The following ZC3H3 variants were observed in gnomAD, a reference collection of about 807,000 sequenced individuals.
The protein encoded by ZC3H3 is zinc finger CCCH domain-containing protein 3.
In ZC3H3, 36 loss-of-function variants were observed where a neutral mutation model predicts 77.3. The ratio of observed to expected loss-of-function variants is 0.47; its 90% CI spans 0.36 to 0.61. The LOEUF is 0.61. Ranked by LOEUF, ZC3H3 falls within the 20% of genes least tolerant of loss-of-function variation. ZC3H3 has a pLI of 0.00. For synonymous variants in ZC3H3, 626 were observed against 555.2 expected (o/e 1.13, Z -1.79); for missense variants, 1,331 against 1,312.2 (o/e 1.01, Z -0.22).
At chr8:143,532,339 G>T (rs892433902) in intron 3 of ZC3H3, among the ~76,000 whole-genome samples, 1 of 152,266 alleles carries the variant, frequency 6.6e-6, no homozygotes, top group African/African-American at 2.4e-5. Context: ...GGCGGCAGCA[G>T]GGCTGCCTGG....
At chr8:143,441,876 C>A (rs1465702572) in intron 9 of ZC3H3, among the ~76,000 whole-genome samples, 1 of 152,218 alleles carries the variant, frequency 6.6e-6, no homozygotes, top group South Asian at 2.1e-4. Flanking sequence ...GTATGCCCTC[C>A]CCCTCACCCT....
At chr8:143,483,158 G>A (rs1292140814) in intron 4 of ZC3H3, among the ~76,000 whole-genome samples, 4 of 152,234 alleles carry the variant, frequency 2.6e-5, no homozygotes, top group Non-Finnish European at 1.5e-5. Context: ...GGGAGGCGGC[G>A]CCGCAGCGAA....
intron 8 of ZC3H3, 61 bp downstream of exon 8, chr8:143,468,148 C>G: frequency 1.3e-6 from 2 of 1,571,456 alleles, no homozygotes; most frequent in Non-Finnish European, 1.7e-6. Context: ...TGCCCGGAGG[C>G]CAGGTGGCTG....
intron 3 of ZC3H3, among the ~76,000 whole-genome samples, chr8:143,515,406 T>C (rs1426830391): frequency 6.6e-6 from 1 of 152,214 alleles, no homozygotes; most frequent in Non-Finnish European, 1.5e-5. Flanking sequence ...GGGCCAGTCA[T>C]GCGTGACATC....
Position 143,538,572 on chromosome 8 carries a change from T to A in ZC3H3, c.795A>T (p.Val265=). The A allele has an allele frequency of 6.2e-7, 1 of 1,610,994 alleles. No individual in the cohort carries two copies. The highest frequency in any genetic ancestry group is 8.5e-7 in the Non-Finnish European group (1 of 1,179,994). The change falls in exon 2 of 12, where the codon GTA becomes GTT. Residue 265 remains valine (V), a synonymous_variant. Transcript: ENST00000262577. ...CTGGCTGATCTGTGTGGCCAGCATCTACTCTCCTGTCCCCAAGGAGCTGTG... is the reference window on the plus strand; with the variant it reads ...CTGGCTGATCTGTGTGGCCAGCATCAACTCTCCTGTCCCCAAGGAGCTGTG... ...CAPQLLGDRR[V]DAGHTDQPVP...
chr8:143,461,666 T>G (rs968208581), intron 9 of ZC3H3, among the ~76,000 whole-genome samples: 1 of 151,878 alleles, frequency 6.6e-6, no homozygotes, highest in Non-Finnish European at 1.5e-5. Flanking sequence ...TAAAAACGGG[T>G]GCAGCGCTGA....
intron 9 of ZC3H3, among the ~76,000 whole-genome samples, chr8:143,463,872 T>G (rs1820335577): frequency 6.6e-6 from 1 of 152,248 alleles, no homozygotes; most frequent in African/African-American, 2.4e-5. Context: ...GCCACAGCCG[T>G]GGCCCCCCAA....
chr8:143,452,700 A>C (rs1820019403), intron 9 of ZC3H3, among the ~76,000 whole-genome samples: 1 of 152,236 alleles, frequency 6.6e-6, no homozygotes, highest in Non-Finnish European at 1.5e-5. Flanking sequence ...TAAAAAACTC[A>C]GTGTGTGGCA....
chr8:143,477,506 T>C (rs1586904372), intron 4 of ZC3H3, among the ~76,000 whole-genome samples: 1 of 152,000 alleles, frequency 6.6e-6, no homozygotes, highest in Non-Finnish European at 1.5e-5. Context: ...GACCCTGGGG[T>C]CCCAGTGCAG....
chr8:143,532,632 C>T (rs1374578549), intron 3 of ZC3H3, among the ~76,000 whole-genome samples: 1 of 152,266 alleles, frequency 6.6e-6, no homozygotes, highest in Non-Finnish European at 1.5e-5. Flanking sequence ...CTGGGAAGGG[C>T]TCACTGGCTC....
intron 3 of ZC3H3, among the ~76,000 whole-genome samples, chr8:143,517,535 G>A (rs931556508): frequency 5.9e-5 from 9 of 152,264 alleles, no homozygotes; most frequent in Admixed American, 2.0e-4. Context: ...TGTGTGTGTG[G>A]CCAAGCGTGC....
intron 9 of ZC3H3, among the ~76,000 whole-genome samples, chr8:143,441,771 G>T (rs1265675739): frequency 6.6e-6 from 1 of 152,124 alleles, no homozygotes; most frequent in African/African-American, 2.4e-5. Context: ...TGTGGTGCAG[G>T]GCGCCCAGCC....
At chr8:143,517,193 G>A (rs574369846) in intron 3 of ZC3H3, among the ~76,000 whole-genome samples, 184 of 152,318 alleles carry the variant, frequency 1.2e-3, no homozygotes, top group Non-Finnish European at 1.6e-3. Flanking sequence ...CACCTGACCC[G>A]TCTGTATGAA....
intron 4 of ZC3H3, among the ~76,000 whole-genome samples, chr8:143,490,093 C>A (rs548241731): frequency 1.1e-4 from 17 of 152,316 alleles, no homozygotes; most frequent in African/African-American, 3.8e-4. Context: ...ACACACAGGG[C>A]CCTGGCAGGT....
chr8:143,486,665 C>A (rs964604406), intron 4 of ZC3H3, among the ~76,000 whole-genome samples: 6 of 152,068 alleles, frequency 3.9e-5, no homozygotes, highest in Admixed American at 2.6e-4. Flanking sequence ...GCTACATGAC[C>A]CCACCACCAA....
At chr8:143,500,516 C>T (rs1821492380) in intron 4 of ZC3H3, among the ~76,000 whole-genome samples, 1 of 152,372 alleles carries the variant, frequency 6.6e-6, no homozygotes, top group African/African-American at 2.4e-5. Flanking sequence ...AGTCTAAGTC[C>T]ATTTTCTGCT....
chr8:143,512,309 C>T (rs560042683), intron 3 of ZC3H3, among the ~76,000 whole-genome samples: 2 of 152,374 alleles, frequency 1.3e-5, no homozygotes, highest in East Asian at 3.9e-4. Context: ...GCCTGATCTG[C>T]TTTTTATCAA....
intron 1 of ZC3H3, among the ~76,000 whole-genome samples, chr8:143,539,546 C>T (rs1428389578): frequency 6.6e-6 from 1 of 152,226 alleles, no homozygotes. Context: ...AGCTCCACTT[C>T]AGTCCTACTT....
At position 143,494,559 on chromosome 8, in the gene ZC3H3, G is replaced by A. The variant is rs1821293257; in HGVS notation, c.1715+13187C>T. On this transcript the variant is annotated intron_variant, in intron 4 of 11. Coordinates refer to ENST00000262577, the MANE Select transcript of ZC3H3 (RefSeq NM_015117.3). This position sits in a 1 kb window ranked among gnomAD's most constrained non-coding sequence, Gnocchi z 5.3. Reference sequence around the variant, plus strand: ...AGGGCCTCAGAGCACAGCGGCGCCGGCAGAACCCAGAGCGAGGGCCAGCCG... The same window carrying A: ...AGGGCCTCAGAGCACAGCGGCGCCGACAGAACCCAGAGCGAGGGCCAGCCG... Among the ~76,000 whole-genome samples, 1 of 152,184 alleles carries A rather than the reference G, an allele frequency of 6.6e-6. No individual in the cohort carries two copies. Among genetic ancestry groups the A allele is most frequent in the African/African-American group, 2.4e-5 (1 of 41,452 alleles).
Sources: allele counts gnomAD v4.1 joint callset (sites outside exome capture counted in the v4.1 genomes callset), GRCh38; gene constraint gnomAD v4.1.1; non-coding constraint Gnocchi (gnomAD v3.1); transcripts MANE v1.5; gene names NCBI Gene and HGNC (gene_info 2026-07-23, HGNC 2026-07-21).